The following RIF1 variants were observed in gnomAD, a reference collection of about 807,000 sequenced individuals.
The protein encoded by RIF1 is replication timing regulatory factor 1, also known as telomere-associated protein RIF1.
RIF1 carries 45 observed loss-of-function variants against 247.1 expected under a neutral mutation model. That is an observed-to-expected ratio of 0.18 (90% CI 0.14 to 0.23). The LOEUF is 0.23. RIF1 is among the 10% of genes least tolerant of loss of function. RIF1 has a pLI of 1.00. For missense variants in RIF1, 2,967 were observed against 2,862.5 expected (o/e 1.04, Z -0.83); for synonymous variants, 1,087 against 978.8 (o/e 1.11, Z -2.06).
chr2:151,500,288 A>C (rs16830114), intron 11 of RIF1, among the ~76,000 whole-genome samples: 2,252 of 152,268 alleles, frequency 0.015, 78 homozygotes, highest in East Asian at 0.14. Context: ...TTAAACTGAC[A>C]ATTAAAAATA....
At chr2:151,472,093 G>C (rs1442852980) in intron 34 of RIF1, among the ~76,000 whole-genome samples, 3 of 152,132 alleles carry the variant, frequency 2.0e-5, no homozygotes, top group African/African-American at 7.2e-5. Context: ...CACGTCCCTT[G>C]TAAGTTGGAT....
In RIF1 at chr2:151,416,630, C is replaced by G; in HGVS notation, c.350C>G (p.Thr117Ser). ...TIKNSDKNVR[T>S]RALWVISKQT... ...AAGAATTCAGACAAAAATGTACGTACTAGAGCACTTTGGGTGATATCTAAG... is the reference window on the plus strand; with the variant it reads ...AAGAATTCAGACAAAAATGTACGTAGTAGAGCACTTTGGGTGATATCTAAG... Residue 117 changes from threonine (T) to serine (S), a missense_variant, in exon 5 of 36, where the codon ACT becomes AGT. Thr to Ser is a moderately conservative substitution (Grantham distance 58, BLOSUM62 1). This residue lies in a region of RIF1 where 269 missense variants were observed against 288.6 expected (regional missense o/e 0.93). Coordinates refer to ENST00000444746, the MANE Select transcript of RIF1 (RefSeq NM_018151.5). 2.5e-6 allele frequency: 4 copies of G among 1,611,982 alleles called. No individual in the cohort carries two copies. The highest frequency in any genetic ancestry group is 3.4e-6 in the Non-Finnish European group (4 of 1,179,458).
chr2:151,444,647 C>A (rs1416181530), intron 18 of RIF1, among the ~76,000 whole-genome samples: 1 of 152,186 alleles, frequency 6.6e-6, no homozygotes, highest in Non-Finnish European at 1.5e-5. Flanking sequence ...CAAGCTAGCA[C>A]ACTATTCTTC....
chr2:151,427,219 CT>C (rs113002023), intron 8 of RIF1, among the ~76,000 whole-genome samples: 14 of 145,454 alleles, frequency 9.6e-5, no homozygotes, highest in Non-Finnish European at 9.1e-5. Flanking sequence ...TCCTTTTTTT[CT>C]TTTTTTTTTG....
Position 151,410,347 on chromosome 2 carries a change from C to A in RIF1, c.-10-67C>A. ...CGTGCGGGTGTGAGGGCCGGACTCACACTGGGCCGCCGCGGGGCTGTTTCC... is the reference window on the plus strand; with the variant it reads ...CGTGCGGGTGTGAGGGCCGGACTCAAACTGGGCCGCCGCGGGGCTGTTTCC... On this transcript the variant is annotated intron_variant, in intron 1 of 35. Coordinates refer to ENST00000444746, the MANE Select transcript of RIF1 (RefSeq NM_018151.5). The A allele has an allele frequency of 2.2e-6, 3 of 1,339,336 alleles. No homozygotes were observed. In the East Asian group the frequency reaches 7.2e-5, roughly 32 times the overall value. 83.0% of individuals were successfully genotyped at this position (1,339,336 alleles called of 1,614,324 possible).
intron 14 of RIF1, 68 bp from the exon 15 acceptor site, chr2:151,439,959 C>CA: frequency 1.5e-6 from 1 of 685,384 alleles, no homozygotes; most frequent in Non-Finnish European, 2.3e-6. Context: ...GGTGACAGAG[C>CA]AAGACCCTGT....
At chr2:151,483,515 T>A (rs1352606530), downstream of RIF1, among the ~76,000 whole-genome samples, 3 of 150,840 alleles carry the variant, frequency 2.0e-5, no homozygotes, top group African/African-American at 7.5e-5. Flanking sequence ...GGCTAGTTGG[T>A]GGATGTAGGA....
chr2:151,464,996 T>A lies in RIF1; in HGVS notation c.5476T>A (p.Ser1826Thr). ...TKSKENTMQE[S>T]LPSGIVNFRE... ...ATCAAAAGAAAACACTATGCAAGAA[T>A]CTCTTCCTTCTGGAATAGTAAACTT... Residue 1826 changes from serine to threonine, a missense_variant, in exon 30 of 36, where the codon TCT (serine) becomes ACT (threonine). Coordinates refer to ENST00000444746, the MANE Select transcript of RIF1 (RefSeq NM_018151.5). The A allele has an allele frequency of 6.3e-7, 1 of 1,576,910 alleles. No homozygotes were observed.
intron 10 of RIF1, chr2:151,496,243 A>T: frequency 6.6e-7 from 1 of 1,518,442 alleles, no homozygotes; most frequent in Non-Finnish European, 9.0e-7. Flanking sequence ...TTTTAAAATC[A>T]GTAAGTAGTT....
At chr2:151,493,782 A>C (rs768467393) in intron 9 of RIF1, 6 of 1,572,142 alleles carry the variant, frequency 3.8e-6, no homozygotes, top group Non-Finnish European at 5.2e-6. Context: ...TACCGAGCTA[A>C]AGTTTTCTTG....
chr2:151,440,998 A>G (rs182038365), intron 15 of RIF1, among the ~76,000 whole-genome samples: 38 of 152,186 alleles, frequency 2.5e-4, no homozygotes, highest in African/African-American at 8.9e-4. Context: ...TCATACCAGT[A>G]TATTACCACT....
intron 6 of RIF1, among the ~76,000 whole-genome samples, chr2:151,417,995 A>C (rs1346239567): frequency 6.6e-6 from 1 of 152,162 alleles, no homozygotes; most frequent in Non-Finnish European, 1.5e-5. Context: ...AATATGATAA[A>C]AAAGATTAAA....
downstream of RIF1, chr2:151,485,858 T>C (rs2049825707): frequency 6.2e-7 from 1 of 1,614,052 alleles, no homozygotes; most frequent in Non-Finnish European, 8.5e-7. Flanking sequence ...TGAACATTTA[T>C]GATGGCATCT....
At position 151,455,124 on chromosome 2, in the gene RIF1, A is replaced by C; in HGVS notation, c.2574A>C (p.Leu858Phe). The change falls in exon 22 of 36, where the codon TTA becomes TTC. Residue 858 changes from leucine to phenylalanine, a missense_variant. Transcript: ENST00000444746. ...TGATCCGAAAAATATTTGCAACTTT[A>C]ACAAGACCTCTGGCATTATTTTATG... ...PSMIRKIFAT[L>F]TRPLALFYEN... The C allele has an allele frequency of 6.2e-7, 1 of 1,612,738 alleles. No individual in the cohort carries two copies. The highest frequency in any genetic ancestry group is 8.5e-7 in the Non-Finnish European group (1 of 1,179,236).
intron 16 of RIF1, among the ~76,000 whole-genome samples, chr2:151,442,661 G>C (rs1321826965): frequency 6.6e-6 from 1 of 151,896 alleles, no homozygotes; most frequent in Non-Finnish European, 1.5e-5. Context: ...ATAGGCATTG[G>C]GATTCCAGTA....
intron 20 of RIF1, 99 bp downstream of exon 20, chr2:151,446,674 CTATT>C (rs1324407245): frequency 6.0e-6 from 7 of 1,167,492 alleles, no homozygotes; most frequent in East Asian, 2.3e-5. Context: ...ATTACTGCCT[CTATT>C]TATATGTGAT....
intron 7 of RIF1, among the ~76,000 whole-genome samples, chr2:151,422,458 G>A (rs561308689): frequency 2.0e-5 from 3 of 151,938 alleles, no homozygotes; most frequent in African/African-American, 4.8e-5. Flanking sequence ...AAACTCACTC[G>A]GATTTGCTAT....
chr2:151,445,270 G>A, intron 18 of RIF1, 68 bp from the exon 19 acceptor site: 2 of 922,916 alleles, frequency 2.2e-6, no homozygotes, highest in Non-Finnish European at 3.6e-6. Context: ...TTATAAATAA[G>A]TTATGTTACT....
At chr2:151,515,003 A>G in the RIF1 span, 4 of 925,042 alleles carry the variant, frequency 4.3e-6, no homozygotes, top group Non-Finnish European at 6.6e-6. Flanking sequence ...TCAGGAAGAA[A>G]AAAAAAACAG....
Sources: allele counts gnomAD v4.1 joint callset (sites outside exome capture counted in the v4.1 genomes callset), GRCh38; gene constraint gnomAD v4.1.1; regional missense constraint gnomAD v4.1.1; transcripts MANE v1.5; gene names NCBI Gene and HGNC (gene_info 2026-07-23, HGNC 2026-07-21).